Variants in STAT4 observed in about 807,000 individuals in gnomAD.
The protein encoded by STAT4 is signal transducer and activator of transcription 4.
STAT4 carries 42 observed loss-of-function variants against 110.5 expected under a neutral mutation model. The ratio of observed to expected loss-of-function variants is 0.38; its 90% CI spans 0.30 to 0.49. The LOEUF (loss-of-function observed/expected upper bound fraction) is 0.49. Among genes scored for constraint, STAT4 ranks in the 20% least tolerant of loss-of-function variants. The pLI is 0.95. For missense variants in STAT4, 632 were observed against 887.9 expected (o/e 0.71, Z 3.66); for synonymous variants, 284 against 302.2 (o/e 0.94, Z 0.63).
Position 191,113,260 on chromosome 2 carries a change from T to C in STAT4, c.273+33353A>G, listed in dbSNP as rs1056096557. 2.0e-5 allele frequency among the ~76,000 whole-genome samples: 3 copies of C among 152,260 alleles called. No homozygotes were observed. The highest frequency in any genetic ancestry group is 7.2e-5 in the African/African-American group (3 of 41,468). The stretch of plus-strand genomic sequence containing the variant: ...AACAGCAATTATTGCCAGGCACTGA[T>C]CTCACTGCTGTGAGTAATCACACCG... On this transcript the variant is annotated intron_variant, in intron 3 of 23. Transcript: ENST00000392320. This position sits in a 1 kb window ranked among gnomAD's most constrained non-coding sequence, Gnocchi z 4.8.
chr2:191,111,853 C>T (rs1418350156), intron 3 of STAT4, among the ~76,000 whole-genome samples: 2 of 152,030 alleles, frequency 1.3e-5, no homozygotes, highest in African/African-American at 4.8e-5. Context: ...GGGAAAGACC[C>T]TATCTGTTAG....
rs1347806819 is a variant in STAT4, at chr2:191,066,589, T to C, written c.545-74A>G. 7.2e-7 allele frequency: 1 copy of C among 1,393,022 alleles called. No homozygotes were observed. The highest frequency in any genetic ancestry group is 1.4e-5 in the African/African-American group (1 of 70,092). 86.3% of individuals were successfully genotyped at this position (1,393,022 alleles called of 1,614,324 possible). ...TCAAGTCAGCCTCAATCCACCATCC[T>C]AAAACAGCCCTGGCCCGGAGAACTT... On this transcript the variant is annotated intron_variant, in intron 6 of 23. Coordinates refer to ENST00000392320, the MANE Select transcript of STAT4 (RefSeq NM_003151.4). The surrounding 1 kb of genome is among the most constrained non-coding windows in gnomAD (Gnocchi z 4.3).
chr2:191,057,410 T>C lies in STAT4; in HGVS notation c.1206+608A>G, dbSNP rs115203597. Among the ~76,000 whole-genome samples the C allele has an allele frequency of 5.6e-3, 853 of 152,274 alleles. 9 individuals are homozygous for C. The highest frequency in any genetic ancestry group is 0.019 in the African/African-American group (810 of 41,550). On this transcript the variant is annotated intron_variant, in intron 13 of 23. Transcript: ENST00000392320. ...CACCTCTCCATTTTAAGACAGATTA[T>C]CTTTGTAATTATCAGCAAAATATAC... is the stretch of plus-strand genomic sequence containing the variant.
chr2:191,073,771 G>A (rs529196507), intron 4 of STAT4, among the ~76,000 whole-genome samples: 35 of 152,194 alleles, frequency 2.3e-4, no homozygotes, highest in African/African-American at 4.6e-4. Flanking sequence ...ACATATATGC[G>A]CATGTATGTA....
intron 3 of STAT4, among the ~76,000 whole-genome samples, chr2:191,108,960 A>G (rs1698353445): frequency 6.6e-6 from 1 of 152,106 alleles, no homozygotes; most frequent in Admixed American, 6.5e-5. Context: ...TCCACTTGGC[A>G]AAAACAGAAA....
intron 3 of STAT4, among the ~76,000 whole-genome samples, chr2:191,096,047 C>G (rs906048716): frequency 7.9e-5 from 12 of 152,142 alleles, no homozygotes; most frequent in African/African-American, 2.7e-4. Context: ...TTGACACATA[C>G]ACCCTGCCAA....
In STAT4 at chr2:191,091,308, G is replaced by T. The variant is rs1697791574; in HGVS notation, c.274-14983C>A. ...ATCTAGAGCTAGAAATAAAAAATAA[G>T]AAATAGAAAATAGATTCAAAATAAG... is the stretch of plus-strand genomic sequence containing the variant. On this transcript the variant is annotated intron_variant, in intron 3 of 23. Coordinates refer to ENST00000392320, the MANE Select transcript of STAT4 (RefSeq NM_003151.4). This position sits in a 1 kb window ranked among gnomAD's most constrained non-coding sequence, Gnocchi z 5.4. 6.6e-6 allele frequency among the ~76,000 whole-genome samples: 1 copy of T among 151,772 alleles called. No homozygotes were observed. Among genetic ancestry groups the T allele is most frequent in the African/African-American group, 2.4e-5 (1 of 41,332 alleles).
intron 3 of STAT4, among the ~76,000 whole-genome samples, chr2:191,114,086 C>T (rs1170910551): frequency 6.6e-6 from 1 of 152,132 alleles, no homozygotes; most frequent in African/African-American, 2.4e-5. Flanking sequence ...ACTTAGGTAA[C>T]TTTTTAGACT....
chr2:191,066,445 G>A lies in STAT4; in HGVS notation c.615C>T (p.Leu205=). The change falls in exon 7 of 24, where the codon CTC becomes CTT. Residue 205 remains leucine (L), a synonymous_variant. Transcript: ENST00000392320. The surrounding 1 kb of genome is among the most constrained non-coding windows in gnomAD (Gnocchi z 4.3). ...VLTLQEMLNS[L]DFKRKEALSK... ...CTTCACTAACCTTTCTCTTGAAATCGAGGCTGTTAAGCATTTCCTGCAGTG... is the reference window on the plus strand; with the variant it reads ...CTTCACTAACCTTTCTCTTGAAATCAAGGCTGTTAAGCATTTCCTGCAGTG... The A allele has an allele frequency of 1.2e-6, 2 of 1,613,210 alleles. No individual in the cohort carries two copies. The highest frequency in any genetic ancestry group is 2.2e-5 in the East Asian group (1 of 44,832).
In STAT4 at chr2:191,104,863, G is replaced by A. The variant is rs1698236223; in HGVS notation, c.274-28538C>T. ...CTAAGACTGAGACCACCTGGTGCTT[G>A]AGCAGAAAAAAGTCCCAATGGCCCA... On this transcript the variant is annotated intron_variant, in intron 3 of 23. Coordinates refer to ENST00000392320, the MANE Select transcript of STAT4 (RefSeq NM_003151.4). The surrounding 1 kb of genome is among the most constrained non-coding windows in gnomAD (Gnocchi z 4.3). Among the ~76,000 whole-genome samples the A allele has an allele frequency of 6.6e-6, 1 of 152,094 alleles. No individual in the cohort carries two copies. The highest frequency in any genetic ancestry group is 6.6e-5 in the Admixed American group (1 of 15,266).
intron 3 of STAT4, among the ~76,000 whole-genome samples, chr2:191,109,251 A>G (rs1195272561): frequency 6.6e-6 from 1 of 152,216 alleles, no homozygotes; most frequent in Non-Finnish European, 1.5e-5. Context: ...AACTTTTCAA[A>G]GAAACTTATA....
At chr2:191,084,917 T>C (rs2125293562) in intron 3 of STAT4, among the ~76,000 whole-genome samples, 1 of 152,124 alleles carries the variant, frequency 6.6e-6, no homozygotes, top group East Asian at 1.9e-4. Flanking sequence ...GTTTATTTAT[T>C]CATAAGGTTT....
chr2:191,148,833 G>A (rs1463144640), intron 1 of STAT4, among the ~76,000 whole-genome samples: 1 of 152,098 alleles, frequency 6.6e-6, no homozygotes, highest in African/African-American at 2.4e-5. Flanking sequence ...CAGTGAATGT[G>A]TTTCATTTCT....
rs1014123321 is a variant in STAT4, at chr2:191,053,899, G to A, written c.1251+591C>T. Among the ~76,000 whole-genome samples, 2 of 152,154 alleles carry A rather than the reference G, an allele frequency of 1.3e-5. No individual in the cohort carries two copies. Among genetic ancestry groups the A allele is most frequent in the Non-Finnish European group, 2.9e-5 (2 of 68,018 alleles). ...ATCCCAGCATTTTGGGAGACAAGGT[G>A]GGTGGATCACTTGAGCCAAGGGGTT... On this transcript the variant is annotated intron_variant, in intron 14 of 23. Coordinates refer to ENST00000392320, the MANE Select transcript of STAT4 (RefSeq NM_003151.4). The surrounding 1 kb of genome is among the most constrained non-coding windows in gnomAD (Gnocchi z 4.5).
At chr2:191,100,988 CA>C (rs921004667) in intron 3 of STAT4, among the ~76,000 whole-genome samples, 5 of 151,818 alleles carry the variant, frequency 3.3e-5, no homozygotes, top group African/African-American at 9.7e-5. Flanking sequence ...TTAACTATGA[CA>C]TTTTTTTTTA....
intron 3 of STAT4, among the ~76,000 whole-genome samples, chr2:191,133,089 T>A (rs879335819): frequency 6.6e-6 from 1 of 151,256 alleles, no homozygotes; most frequent in African/African-American, 2.4e-5. Context: ...TGAGTGGAAT[T>A]TCTTTTGGGA....
Position 191,077,116 on chromosome 2 carries a change from T to C in STAT4, c.274-791A>G, listed in dbSNP as rs1697337168. Reference sequence around the variant, plus strand: ...TACATTGTTTCAGCAACTATATTTTTATGACATCTAAGCATATACATCTTT... The same window carrying C: ...TACATTGTTTCAGCAACTATATTTTCATGACATCTAAGCATATACATCTTT... On this transcript the variant is annotated intron_variant, in intron 3 of 23. Coordinates refer to ENST00000392320, the MANE Select transcript of STAT4 (RefSeq NM_003151.4). The surrounding 1 kb of genome is among the most constrained non-coding windows in gnomAD (Gnocchi z 4.1). 6.6e-6 allele frequency among the ~76,000 whole-genome samples: 1 copy of C among 152,208 alleles called. No individual in the cohort carries two copies. Among genetic ancestry groups the C allele is most frequent in the Non-Finnish European group, 1.5e-5 (1 of 68,040 alleles).
At chr2:191,041,240 A>G in intron 14 of STAT4, 92 bp from the exon 15 acceptor site, 1 of 531,052 alleles carries the variant, frequency 1.9e-6, no homozygotes, top group Non-Finnish European at 2.8e-6. Flanking sequence ...ATATTTATTA[A>G]TAAATTAATA....
intron 3 of STAT4, among the ~76,000 whole-genome samples, chr2:191,114,123 A>C (rs1051045478): frequency 2.6e-5 from 4 of 152,208 alleles, no homozygotes; most frequent in African/African-American, 9.7e-5. Context: ...ATTGTGGTAG[A>C]GACAGGAATA....
Sources: allele counts gnomAD v4.1 joint callset (sites outside exome capture counted in the v4.1 genomes callset), GRCh38; gene constraint gnomAD v4.1.1; non-coding constraint Gnocchi (gnomAD v3.1); transcripts MANE v1.5; gene names NCBI Gene and HGNC (gene_info 2026-07-23, HGNC 2026-07-21).